The following CLDN10 variants were observed in gnomAD, a reference collection of about 807,000 sequenced individuals.
CLDN10 encodes the protein claudin 10, also known as claudin-10.
A neutral mutation model predicts 22.9 loss-of-function variants in CLDN10; 15 were observed. The observed-to-expected ratio is 0.65, with a 90% CI of 0.44 to 1.01. The LOEUF (loss-of-function observed/expected upper bound fraction) is 1.01. Among genes scored for constraint, CLDN10 ranks in the 50% least tolerant of loss-of-function variants. CLDN10 has a pLI of 0.00. For synonymous variants in CLDN10, 114 were observed against 111.4 expected (o/e 1.02, Z -0.15); for missense variants, 247 against 287.8 (o/e 0.86, Z 1.03).
intron 1 of CLDN10, among the ~76,000 whole-genome samples, chr13:95,444,187 T>G (rs192660516): frequency 1.3e-5 from 2 of 152,322 alleles, no homozygotes; most frequent in East Asian, 3.9e-4. Context: ...GGAGATGTAG[T>G]GAGGAACATC....
chr13:95,503,463 G>A (rs1040957227), intron 1 of CLDN10, among the ~76,000 whole-genome samples: 6 of 152,120 alleles, frequency 3.9e-5, no homozygotes, highest in South Asian at 2.1e-4. Flanking sequence ...TAAAACTACC[G>A]TATGATCTAG....
At chr13:95,546,382 T>C (rs1444766422) in intron 1 of CLDN10, among the ~76,000 whole-genome samples, 1 of 152,100 alleles carries the variant, frequency 6.6e-6, no homozygotes, top group Non-Finnish European at 1.5e-5. Flanking sequence ...TTCTGTACAA[T>C]GGGAATGAAA....
intron 1 of CLDN10, among the ~76,000 whole-genome samples, chr13:95,469,122 CT>C (rs78396973): frequency 2.2e-3 from 312 of 139,686 alleles, no homozygotes; most frequent in Middle Eastern, 7.4e-3. Context: ...TTTTCTGTTT[CT>C]TTTTTTTTTT....
At position 95,560,130 on chromosome 13, in the gene CLDN10, A is replaced by T; in HGVS notation, c.221-2A>T. On this transcript the variant is annotated splice_acceptor_variant, in intron 1 of 4. Transcript: ENST00000299339. LOFTEE classifies it high-confidence loss of function. ...AACGTAAATGACCTACTCTAATTGC[A>T]GGTTATATACAGGCATGTAGAGGAC... The T allele has an allele frequency of 1.2e-6, 2 of 1,603,074 alleles. No individual in the cohort carries two copies. Among genetic ancestry groups the T allele is most frequent in the Non-Finnish European group, 1.7e-6 (2 of 1,172,718 alleles).
At chr13:95,481,175 C>T (rs2042743284) in intron 1 of CLDN10, among the ~76,000 whole-genome samples, 1 of 152,168 alleles carries the variant, frequency 6.6e-6, no homozygotes. Flanking sequence ...AGAGCATGGC[C>T]TAGATGGGGA....
intron 1 of CLDN10, among the ~76,000 whole-genome samples, chr13:95,476,531 A>C (rs113147485): frequency 0.021 from 3,237 of 152,232 alleles, 124 homozygotes; most frequent in African/African-American, 0.074. Context: ...CAACGCCATC[A>C]CCTTGGGCAT....
intron 1 of CLDN10, among the ~76,000 whole-genome samples, chr13:95,514,915 A>G (rs1404852106): frequency 6.6e-6 from 1 of 152,172 alleles, no homozygotes; most frequent in Non-Finnish European, 1.5e-5. Context: ...GCAGACTTGC[A>G]TGGAGATGGC....
intron 1 of CLDN10, among the ~76,000 whole-genome samples, chr13:95,536,396 C>G (rs536678320): frequency 6.6e-6 from 1 of 152,154 alleles, no homozygotes; most frequent in South Asian, 2.1e-4. Context: ...TTGCAGTAAG[C>G]CGAGATCACG....
chr13:95,526,032 C>T (rs564403314), intron 1 of CLDN10, among the ~76,000 whole-genome samples: 14 of 152,242 alleles, frequency 9.2e-5, no homozygotes, highest in African/African-American at 3.4e-4. Context: ...AATGTTTTCG[C>T]ACTTCTCTCT....
In CLDN10 at chr13:95,567,296, T is replaced by C. The variant is rs541844006; in HGVS notation, c.464+6833T>C. On this transcript the variant is annotated intron_variant, in intron 3 of 4. Coordinates refer to ENST00000299339, the MANE Select transcript of CLDN10 (RefSeq NM_006984.5). ...TTTGTTCATGTCCTCTTTTATTTTGTTGAGCAGTGGTTTGTAGTTCTCCTT... is the reference window on the plus strand; with the variant it reads ...TTTGTTCATGTCCTCTTTTATTTTGCTGAGCAGTGGTTTGTAGTTCTCCTT... 3.9e-5 allele frequency among the ~76,000 whole-genome samples: 6 copies of C among 152,322 alleles called. No individual in the cohort carries two copies. In the South Asian group the frequency reaches 1.2e-3, roughly 32 times the overall value.
chr13:95,564,059 C>G (rs767604772), intron 3 of CLDN10, among the ~76,000 whole-genome samples: 31 of 152,134 alleles, frequency 2.0e-4, no homozygotes, highest in Non-Finnish European at 3.8e-4. Context: ...GAGAGGAATA[C>G]GTTGTAGAAT....
intron 1 of CLDN10, among the ~76,000 whole-genome samples, chr13:95,438,016 G>A (rs2042288397): frequency 6.6e-6 from 1 of 152,148 alleles, no homozygotes; most frequent in South Asian, 2.1e-4. Context: ...TATTATAATT[G>A]TTATAGTTGC....
At position 95,475,356 on chromosome 13, in the gene CLDN10, G is replaced by A. The variant is rs368423048; in HGVS notation, c.214+41309G>A. ...GGTCCCCAGAGACTGTAACCAGCCC[G>A]GCCTCCTGGGGACCTGGGCAGATCT... On this transcript the variant is annotated intron_variant, in intron 1 of 4. Transcript: ENST00000376873. 7.9e-5 allele frequency among the ~76,000 whole-genome samples: 12 copies of A among 152,320 alleles called. No homozygotes were observed. The East Asian group carries it at 1.5e-3, about 20-fold the overall frequency.
Position 95,480,548 on chromosome 13 carries a change from C to T in CLDN10, c.214+46501C>T, listed in dbSNP as rs544095455. 2.0e-5 allele frequency among the ~76,000 whole-genome samples: 3 copies of T among 152,274 alleles called. No homozygotes were observed. In the East Asian group the frequency reaches 5.8e-4, roughly 29 times the overall value. On this transcript the variant is annotated intron_variant, in intron 1 of 4. Transcript: ENST00000376873. ...TTTTCTTCTCCCCTGAAGCTCCTGC[C>T]CACTGGGAGCCAGCTCCTGTCCACC...
intron 1 of CLDN10, among the ~76,000 whole-genome samples, chr13:95,461,461 G>T (rs893321944): frequency 1.3e-5 from 2 of 152,114 alleles, no homozygotes; most frequent in African/African-American, 4.8e-5. Flanking sequence ...GTTCACTCCT[G>T]TCCTCAAGTT....
At chr13:95,517,432 A>T (rs7336934) in intron 1 of CLDN10, among the ~76,000 whole-genome samples, 5 of 152,066 alleles carry the variant, frequency 3.3e-5, no homozygotes. Flanking sequence ...TGTTTGAATT[A>T]AATATTAAAA....
chr13:95,519,365 C>T (rs12853600), intron 1 of CLDN10, among the ~76,000 whole-genome samples: 14,998 of 152,134 alleles, frequency 0.099, 923 homozygotes, highest in Middle Eastern at 0.12. Context: ...GGGCTGCCGC[C>T]GCCATTGCAT....
chr13:95,445,081 A>T (rs1416975827), intron 1 of CLDN10, among the ~76,000 whole-genome samples: 2 of 152,038 alleles, frequency 1.3e-5, no homozygotes, highest in Admixed American at 1.3e-4. Flanking sequence ...TGGCCTGAGC[A>T]CTCCCATCTG....
At position 95,553,026 on chromosome 13, in the gene CLDN10, C is replaced by T. The variant is rs961937910; in HGVS notation, c.220+53C>T. 39 of 1,596,166 alleles carry T rather than the reference C, an allele frequency of 2.4e-5. No homozygotes were observed. The African/African-American group carries it at 4.6e-4, about 19-fold the overall frequency. On this transcript the variant is annotated intron_variant, in intron 1 of 4. Transcript: ENST00000299339. ...AGCCCTCCTTCCTTGATGGCCAGCC[C>T]GCTAGGCGCCCTCTCGCCCCCAATA...
Sources: allele counts gnomAD v4.1 joint callset (sites outside exome capture counted in the v4.1 genomes callset), GRCh38; gene constraint gnomAD v4.1.1; transcripts MANE v1.5; gene names NCBI Gene and HGNC (gene_info 2026-07-23, HGNC 2026-07-21).